AOC2: variants seen among roughly 807,000 people sequenced by gnomAD.
AOC2 encodes amine oxidase copper containing 2.
A neutral mutation model predicts 53.8 loss-of-function variants in AOC2; 57 were observed. That is an observed-to-expected ratio of 1.06 (90% CI 0.86 to 1.32). The LOEUF is 1.32. AOC2 is among the 40% of genes most tolerant of loss of function. The probability of loss-of-function intolerance (pLI) is 0.00; values close to 1 mark genes in which losing one functional copy is unlikely to be tolerated. For missense variants in AOC2, 1,008 were observed against 957.2 expected (o/e 1.05, Z -0.70); for synonymous variants, 404 against 399.0 (o/e 1.01, Z -0.15).
In AOC2 at chr17:42,849,582, T is replaced by A. The variant is rs780181739; in HGVS notation, c.1875-19T>A. On this transcript the variant is annotated intron_variant, in intron 2 of 3. Coordinates refer to ENST00000253799, the MANE Select transcript of AOC2 (RefSeq NM_009590.4). ...CACTTGACATTTCCCAAAACCACCT[T>A]CTTATGATTCCTGGCCAGATACCAG... 2 of 1,614,146 alleles carry A rather than the reference T, an allele frequency of 1.2e-6. No individual in the cohort carries two copies. Among genetic ancestry groups the A allele is most frequent in the Admixed American group, 3.3e-5 (2 of 60,026 alleles).
chr17:42,849,290 G>A lies in AOC2; in HGVS notation c.1793G>A (p.Gly598Glu), dbSNP rs1361214981. Residue 598 changes from glycine (G) to glutamate (E), a missense_variant, in exon 2 of 4, where the codon GGG (glycine) becomes GAG (glutamate). Gly to Glu is a moderately conservative substitution (Grantham distance 98). Transcript: ENST00000253799. The stretch of plus-strand genomic sequence containing the variant: ...ACTAATGCGTGGGGTCACCAGCGCG[G>A]GTACCGAATCCAGATCCACAGCCCC... ...NQTNAWGHQR[G>E]YRIQIHSPLG... 1 of 1,614,184 alleles carries A rather than the reference G, an allele frequency of 6.2e-7. No homozygotes were observed.
At chr17:42,846,236 A>G in intron 1 of AOC2, 22 bp downstream of exon 1, 1 of 1,119,060 alleles carries the variant, frequency 8.9e-7, no homozygotes. Flanking sequence ...GGGGATGAGG[A>G]TGGAGACTTG....
At position 42,849,266 on chromosome 17, in the gene AOC2, C is replaced by T; in HGVS notation, c.1769C>T (p.Thr590Ile). Residue 590 changes from threonine (T) to isoleucine (I), a missense_variant, in exon 2 of 4, where the codon ACT becomes ATT. Thr to Ile is a moderately conservative substitution (Grantham distance 89). Coordinates refer to ENST00000253799, the MANE Select transcript of AOC2 (RefSeq NM_009590.4). ...TACCTCTACCTGGCTAGCAACCAGACTAATGCGTGGGGTCACCAGCGCGGG... is the reference window on the plus strand; with the variant it reads ...TACCTCTACCTGGCTAGCAACCAGATTAATGCGTGGGGTCACCAGCGCGGG... ...PRYLYLASNQ[T>I]NAWGHQRGYR... 6.2e-7 allele frequency: 1 copy of T among 1,614,232 alleles called. No individual in the cohort carries two copies. Among genetic ancestry groups the T allele is most frequent in the Admixed American group, 1.7e-5 (1 of 60,030 alleles).
chr17:42,848,534 T>TAC (rs1567686480), intron 1 of AOC2, among the ~76,000 whole-genome samples: 48 of 140,754 alleles, frequency 3.4e-4, no homozygotes, highest in African/African-American at 1.2e-3. Context: ...AATATATATA[T>TAC]ATATATATAT....
At chr17:42,849,038 G>A in intron 1 of AOC2, 48 bp from the exon 2 acceptor site, 1 of 1,556,094 alleles carries the variant, frequency 6.4e-7, no homozygotes, top group Non-Finnish European at 8.7e-7. Context: ...ACCTGGCCCA[G>A]AGACCTTACC....
In AOC2 at chr17:42,845,543, C is replaced by G. The variant is rs201304257; in HGVS notation, c.917C>G (p.Pro306Arg). ...LRSRNSPGPL[P>R]PLQFSPQGSQ... ...TCTCGGAACTCTCCAGGTCCTCTTC[C>G]CCCTCTTCAGTTCTCGCCCCAGGGT... is the stretch of plus-strand genomic sequence containing the variant. The change falls in exon 1 of 4, where the codon CCC (proline) becomes CGC (arginine). Residue 306 changes from proline (P) to arginine (R), a missense_variant. By Grantham distance (103) the Pro-to-Arg change is moderately radical. Coordinates refer to ENST00000253799, the MANE Select transcript of AOC2 (RefSeq NM_009590.4). The G allele has an allele frequency of 1.6e-5, 26 of 1,614,178 alleles. No individual in the cohort carries two copies. The East Asian group carries it at 2.2e-4, about 14-fold the overall frequency.
At chr17:42,846,309 A>G in intron 1 of AOC2, 95 bp downstream of exon 1, 1 of 1,384,552 alleles carries the variant, frequency 7.2e-7, no homozygotes. Context: ...CTGAAATAAC[A>G]AGTGGCAAGA....
Position 42,850,570 on chromosome 17 carries a change from C to A in AOC2, c.*222C>A, listed in dbSNP as rs191769834. The A allele has an allele frequency of 8.4e-6, 4 of 476,988 alleles. No individual in the cohort carries two copies. In the East Asian group the frequency reaches 1.4e-4, roughly 16 times the overall value. 29.5% of individuals were successfully genotyped at this position (476,988 alleles called of 1,614,324 possible). The stretch of plus-strand genomic sequence containing the variant: ...TTTTTAAATATTCAAAGAAAAATAT[C>A]ACAAATCCTACTACTCAGAAATAGG... On this transcript the variant is annotated 3_prime_UTR_variant, in exon 4 of 4. Transcript: ENST00000253799.
chr17:42,846,854 C>A (rs1299919651), intron 1 of AOC2, among the ~76,000 whole-genome samples: 1 of 152,198 alleles, frequency 6.6e-6, no homozygotes, highest in South Asian at 2.1e-4. Context: ...ACTTGCTGTT[C>A]CTGACAGACT....
chr17:42,846,356 G>GTCCCTGCCCTGTT, intron 1 of AOC2, 142 bp downstream of exon 1: 3 of 901,636 alleles, frequency 3.3e-6, no homozygotes, highest in Non-Finnish European at 4.8e-6. Context: ...AGTGGCAACA[G>GTCCCTGCCCTGTT]GGCAGGGACT....
chr17:42,849,061 C>G (rs765042636), intron 1 of AOC2, 25 bp from the exon 2 acceptor site: 1 of 1,591,998 alleles, frequency 6.3e-7, no homozygotes, highest in Non-Finnish European at 8.6e-7. Flanking sequence ...GTGTGGAACT[C>G]ATCTCCTTTC....
chr17:42,848,981 C>T, intron 1 of AOC2, 105 bp from the exon 2 acceptor site: 3 of 1,229,272 alleles, frequency 2.4e-6, no homozygotes, highest in African/African-American at 1.5e-5. Flanking sequence ...GATGCTCTCT[C>T]TGCCTTTTGT....
At chr17:42,846,403 G>A (rs568265044) in intron 1 of AOC2, among the ~76,000 whole-genome samples, 189 bp downstream of exon 1, 1 of 152,300 alleles carries the variant, frequency 6.6e-6, no homozygotes, top group South Asian at 2.1e-4. Context: ...CTGGTACTGG[G>A]CTACTGGGTA....
At chr17:42,849,473 C>T (rs563003637) in intron 2 of AOC2, 102 bp downstream of exon 2, 2 of 1,578,464 alleles carry the variant, frequency 1.3e-6, no homozygotes, top group East Asian at 4.5e-5. Context: ...CATCCCTGTA[C>T]CTCCCCTCAA....
chr17:42,848,435 C>T (rs2055614782), intron 1 of AOC2, among the ~76,000 whole-genome samples: 1 of 150,694 alleles, frequency 6.6e-6, no homozygotes, highest in Non-Finnish European at 1.5e-5. Flanking sequence ...TAGAAATATT[C>T]CGTATTTGAG....
chr17:42,846,471 G>A (rs1432159532), intron 1 of AOC2, among the ~76,000 whole-genome samples: 1 of 152,170 alleles, frequency 6.6e-6, no homozygotes, highest in African/African-American at 2.4e-5. Context: ...CTATGATTGT[G>A]AAACTAGTTT....
intron 1 of AOC2, among the ~76,000 whole-genome samples, chr17:42,847,809 C>T (rs1354609455): frequency 2.7e-5 from 4 of 149,942 alleles, no homozygotes; most frequent in Non-Finnish European, 4.4e-5. Context: ...AAGACAGAGT[C>T]TCACTCTGTT....
In AOC2 at chr17:42,845,371, G is replaced by A; in HGVS notation, c.745G>A (p.Asp249Asn). The A allele has an allele frequency of 6.2e-7, 1 of 1,614,180 alleles. No individual in the cohort carries two copies. ...LELLLDHRAL[D>N]PAHWTVQQVF... ...GCTACTACTGGACCACAGGGCCCTG[G>A]ACCCTGCCCACTGGACTGTCCAGCA... Residue 249 changes from aspartate (D) to asparagine (N), a missense_variant, in exon 1 of 4, where the codon GAC becomes AAC. Physicochemically the swap from Asp to Asn is conservative, Grantham distance 23. Transcript: ENST00000253799.
In AOC2 at chr17:42,845,405, A is replaced by C. The variant is rs752423830; in HGVS notation, c.779A>C (p.Tyr260Ser). 5.6e-6 allele frequency: 9 copies of C among 1,614,004 alleles called. No homozygotes were observed. The Admixed American group carries it at 1.3e-4, about 24-fold the overall frequency. The change falls in exon 1 of 4, where the codon TAC (tyrosine) becomes TCC (serine). Residue 260 changes from tyrosine (Y) to serine (S), a missense_variant. By Grantham distance (144) the Tyr-to-Ser change is moderately radical (BLOSUM62 -2). Coordinates refer to ENST00000253799, the MANE Select transcript of AOC2 (RefSeq NM_009590.4). ...CACTGGACTGTCCAGCAGGTCTTCT[A>C]CCTTGGGCACTACTATGCAGACTTG... The part of the protein sequence containing the change: ...PAHWTVQQVF[Y>S]LGHYYADLGQ...
Sources: gnomAD v4.1 joint callset for allele counts (sites outside exome capture counted in the v4.1 genomes callset) on GRCh38, gnomAD v4.1.1 for gene constraint, MANE v1.5 for transcripts, NCBI Gene and HGNC (gene_info 2026-07-23, HGNC 2026-07-21) for gene names.